The following C11orf16 variants were observed in gnomAD, a reference collection of about 807,000 sequenced individuals.
The protein encoded by C11orf16 is chromosome 11 open reading frame 16.
C11orf16 carries 38 observed loss-of-function variants against 45.1 expected under a neutral mutation model. The observed-to-expected ratio is 0.84, with a 90% CI of 0.65 to 1.10. The LOEUF (loss-of-function observed/expected upper bound fraction) is 1.10, where lower values mean the gene tolerates loss of function less well. Among genes scored for constraint, C11orf16 ranks in the 50% least tolerant of loss-of-function variants. The pLI is 0.00. For missense variants in C11orf16, 583 were observed against 569.5 expected, an observed-to-expected ratio of 1.02 and a Z score of -0.24; for synonymous variants, 221 against 222.0, an observed-to-expected ratio of 1.00 and a Z score of 0.04.
chr11:8,929,523 A>T lies in C11orf16; in HGVS notation c.178T>A (p.Ser60Thr). 1 of 1,612,730 alleles carries T rather than the reference A, an allele frequency of 6.2e-7. No homozygotes were observed. Among genetic ancestry groups the T allele is most frequent in the Non-Finnish European group, 8.5e-7 (1 of 1,179,568 alleles). Reference protein sequence around the residue: ...GHKPLARHASSCPCLHVADPA... With the variant: ...GHKPLARHASTCPCLHVADPA... ...TCGGCAACGTGGAGACATGGGCAAG[A>T]AGAGGCATGCCTGGAAAAAAGCAAA... is the stretch of plus-strand genomic sequence containing the variant. The change falls in exon 3 of 7, where the codon TCT becomes ACT. Residue 60 changes from serine (S) to threonine (T), a missense_variant. By Grantham distance (58) the Ser-to-Thr change is moderately conservative. Coordinates refer to ENST00000326053, the MANE Select transcript of C11orf16 (RefSeq NM_020643.3).
At chr11:8,922,230 G>A (rs1016587541) in intron 5 of C11orf16, among the ~76,000 whole-genome samples, 2 of 152,044 alleles carry the variant, frequency 1.3e-5, no homozygotes, top group Admixed American at 1.3e-4. Context: ...AAATTGAACT[G>A]GGTGCATTGG....
Position 8,927,170 on chromosome 11 carries a change from T to C in C11orf16, c.329A>G (p.Glu110Gly). ...TTCCACAAGCAGGACCCCCTGTCTC[T>C]CCAGCTGTGGGAAAGAAAACACTCA... Reference protein sequence around the residue: ...RAQIKATPELERQGVLLVEFE... With the variant: ...RAQIKATPELGRQGVLLVEFE... Residue 110 changes from glutamate to glycine, a missense_variant, in exon 4 of 7, where the codon GAG (glutamate) becomes GGG (glycine). Glu to Gly is a moderately conservative substitution (Grantham distance 98, BLOSUM62 -2). Transcript: ENST00000326053. The C allele has an allele frequency of 2.5e-6, 4 of 1,612,716 alleles. No homozygotes were observed. The highest frequency in any genetic ancestry group is 3.4e-6 in the Non-Finnish European group (4 of 1,179,138).
intron 3 of C11orf16, among the ~76,000 whole-genome samples, chr11:8,928,547 C>T (rs2064630254): frequency 1.3e-5 from 2 of 152,188 alleles, no homozygotes; most frequent in African/African-American, 4.8e-5. Flanking sequence ...CGTTACCCAC[C>T]TCCACCCTCC....
intron 2 of C11orf16, among the ~76,000 whole-genome samples, chr11:8,931,204 A>G (rs1025432795): frequency 6.8e-6 from 1 of 147,370 alleles, no homozygotes; most frequent in Non-Finnish European, 1.5e-5. Flanking sequence ...TGGCTGAGCA[A>G]GTCTCTTTTT....
rs2064621002 is a variant in C11orf16 at position 8,927,250 on chromosome 11, G to GA, written c.325-77_325-76insT. The GA allele has an allele frequency of 2.5e-6, 3 of 1,195,722 alleles. No individual in the cohort carries two copies. In the African/African-American group the frequency reaches 4.5e-5, roughly 18 times the overall value. The allele number at this position is 1,195,722 out of a possible 1,614,324, so 74.1% of individuals were successfully genotyped here. A position where few individuals can be genotyped will look rare whatever the true frequency, so the allele number is the denominator to read the frequency against. ...AGGGAGCACCCAGGTTCCCTACGATGCCCCCCAAATCAGGCCCAGGGGCTG... is the reference window on the plus strand; with the variant it reads ...AGGGAGCACCCAGGTTCCCTACGATGACCCCCCAAATCAGGCCCAGGGGCTG... On this transcript the variant is annotated intron_variant, in intron 3 of 6. Coordinates refer to ENST00000326053, the MANE Select transcript of C11orf16 (RefSeq NM_020643.3).
chr11:8,921,365 T>C lies in C11orf16; in HGVS notation c.1355A>G (p.Lys452Arg). 1 of 1,614,232 alleles carries C rather than the reference T, an allele frequency of 6.2e-7. No individual in the cohort carries two copies. The highest frequency in any genetic ancestry group is 8.5e-7 in the Non-Finnish European group (1 of 1,180,044). The change falls in exon 6 of 7, where the codon AAG becomes AGG. Residue 452 changes from lysine to arginine, a missense_variant. Lys to Arg is a conservative substitution (Grantham distance 26). Coordinates refer to ENST00000326053, the MANE Select transcript of C11orf16 (RefSeq NM_020643.3). Reference sequence around the variant, plus strand: ...ACATATTGCAAGGCTCTGACTCCGCTTTCTGTGTTCAGCTTCCCCTGGCGG... The same window carrying C: ...ACATATTGCAAGGCTCTGACTCCGCCTTCTGTGTTCAGCTTCCCCTGGCGG... ...RTPPGEAEHR[K>R]RSQSLAICQW... is the part of the protein sequence containing the mutation.
intron 2 of C11orf16, among the ~76,000 whole-genome samples, chr11:8,931,048 A>AG (rs1468345711): frequency 6.6e-6 from 1 of 152,142 alleles, no homozygotes; most frequent in Non-Finnish European, 1.5e-5. Flanking sequence ...ATGTGTATAT[A>AG]GGGCTGTGGT....
At position 8,927,648 on chromosome 11, in the gene C11orf16, G is replaced by A. The variant is rs141407633; in HGVS notation, c.325-474C>T. 636 of 456,648 alleles carry A rather than the reference G, an allele frequency of 1.4e-3. 2 individuals are homozygous for A. Among genetic ancestry groups the A allele is most frequent in the Middle Eastern group, 2.6e-3 (8 of 3,078 alleles). The allele number at this position is 456,648 out of a possible 1,614,324, so 28.3% of individuals were successfully genotyped here. Reference sequence around the variant, plus strand: ...CCTATGAGGCTCATGTAGGCAAGGAGCGATTGTGGCCACAGAGCTGCCCTC... The same window carrying A: ...CCTATGAGGCTCATGTAGGCAAGGAACGATTGTGGCCACAGAGCTGCCCTC... On this transcript the variant is annotated intron_variant, in intron 3 of 6. Coordinates refer to ENST00000326053, the MANE Select transcript of C11orf16 (RefSeq NM_020643.3).
chr11:8,920,499 T>C (rs1396799384), intron 6 of C11orf16, 49 bp from the exon 7 acceptor site: 2 of 643,618 alleles, frequency 3.1e-6, no homozygotes, highest in Non-Finnish European at 5.5e-6. Context: ...ACTGCAATTT[T>C]AAGAATCAAA....
chr11:8,921,575 A>G (rs984950453), intron 5 of C11orf16, 60 bp from the exon 6 acceptor site: 34 of 1,424,944 alleles, frequency 2.4e-5, no homozygotes, highest in Non-Finnish European at 6.9e-6. Flanking sequence ...GCATAAGTAG[A>G]ACTAAAACAA....
At chr11:8,931,246 CAG>C (rs1356087771) in intron 2 of C11orf16, among the ~76,000 whole-genome samples, 13 of 151,470 alleles carry the variant, frequency 8.6e-5, no homozygotes, top group Admixed American at 6.6e-4. Context: ...GTTTTTGAGA[CAG>C]AGTCTCACTC....
At position 8,926,257 on chromosome 11, in the gene C11orf16, C is replaced by T. The variant is rs1027902036; in HGVS notation, c.560-150G>A. On this transcript the variant is annotated intron_variant, in intron 4 of 6. Coordinates refer to ENST00000326053, the MANE Select transcript of C11orf16 (RefSeq NM_020643.3). ...GCAGTGGCACAGTGATAGCTCACTG[C>T]AGCCTCAACCTCCCAGGCTCAAGCC... 9.3e-6 allele frequency: 7 copies of T among 754,830 alleles called. No individual in the cohort carries two copies. In the Admixed American group the frequency reaches 2.4e-4, roughly 26 times the overall value. 46.8% of individuals were successfully genotyped at this position (754,830 alleles called of 1,614,324 possible). A position where few individuals can be genotyped will look rare whatever the true frequency, so the allele number is the denominator to read the frequency against.
chr11:8,930,814 AG>A (rs2064644889), intron 2 of C11orf16, among the ~76,000 whole-genome samples: 1 of 152,072 alleles, frequency 6.6e-6, no homozygotes, highest in Non-Finnish European at 1.5e-5. Context: ...CGTGCTGAGG[AG>A]CTCCTGCAGA....
At chr11:8,932,375 T>C (rs2064655926) in intron 1 of C11orf16, 49 bp from the exon 2 acceptor site, 1 of 1,469,384 alleles carries the variant, frequency 6.8e-7, no homozygotes, top group Non-Finnish European at 9.1e-7. Context: ...AAGCAAGCAG[T>C]GGCCACCGGG....
In C11orf16 at chr11:8,929,459, C is replaced by G. The variant is rs1369340956; in HGVS notation, c.242G>C (p.Gly81Ala). 6.2e-7 allele frequency: 1 copy of G among 1,614,072 alleles called. No homozygotes were observed. Among genetic ancestry groups the G allele is most frequent in the African/African-American group, 1.3e-5 (1 of 74,936 alleles). ...WQGPGWLGRA[G>A]DAANTWVLAR... ...TAGGACCCATGTGTTGGCAGCATCT[C>G]CAGCTCTTCCCAGCCAGCCAGGCCC... Residue 81 changes from glycine to alanine, a missense_variant, in exon 3 of 7, where the codon GGA becomes GCA. Physicochemically the swap from Gly to Ala is moderately conservative, Grantham distance 60 (BLOSUM62 0). Transcript: ENST00000326053.
At position 8,924,506 on chromosome 11, in the gene C11orf16, A is replaced by G. The variant is rs540613418; in HGVS notation, c.1204+957T>C. 1.8e-4 allele frequency among the ~76,000 whole-genome samples: 7 copies of G among 37,904 alleles called. No individual in the cohort carries two copies. In the East Asian group the frequency reaches 0.012, roughly 67 times the overall value. 24.9% of individuals were successfully genotyped at this position (37,904 alleles called of 152,430 possible). On this transcript the variant is annotated intron_variant, in intron 5 of 6. Transcript: ENST00000326053. ...ATGCCACTGCACTCCAGCCTGGGCAACAGAGTGAGACTCTTTGTCTCAAAA... is the reference window on the plus strand; with the variant it reads ...ATGCCACTGCACTCCAGCCTGGGCAGCAGAGTGAGACTCTTTGTCTCAAAA...
Position 8,932,227 on chromosome 11 carries a change from C to T in C11orf16, c.82G>A (p.Gly28Ser), listed in dbSNP as rs1208938781. 1.9e-6 allele frequency: 3 copies of T among 1,606,928 alleles called. No individual in the cohort carries two copies. The highest frequency in any genetic ancestry group is 2.5e-6 in the Non-Finnish European group (3 of 1,177,000). ...ATSLKAPGWD[G>S]AAPPWDLSFT... is the part of the protein sequence containing the mutation. ...GAGAGGTCCCAAGGTGGAGCAGCAC[C>T]GTCCCAGCCAGGGGCCTTCAGGCTT... is the stretch of plus-strand genomic sequence containing the variant. The change falls in exon 2 of 7, where the codon GGT becomes AGT. Residue 28 changes from glycine (G) to serine (S), a missense_variant. Coordinates refer to ENST00000326053, the MANE Select transcript of C11orf16 (RefSeq NM_020643.3).
intron 2 of C11orf16, among the ~76,000 whole-genome samples, chr11:8,931,242 G>A (rs1013903898): frequency 6.7e-6 from 1 of 148,288 alleles, no homozygotes; most frequent in South Asian, 2.1e-4. Context: ...TTTTGTTTTT[G>A]AGACAGAGTC....
Position 8,925,793 on chromosome 11 carries a change from A to G in C11orf16, c.874T>C (p.Trp292Arg). The change falls in exon 5 of 7, where the codon TGG becomes CGG. Residue 292 changes from tryptophan to arginine, a missense_variant. Transcript: ENST00000326053. ...TCTGAGGTCCTGGTTAGAGGCCACC[A>G]AGTCGTGCCACATGGCGGGCAGCCA... ...LCGCPPCGTT[W>R]WPLTRTSEVM... The G allele has an allele frequency of 6.2e-7, 1 of 1,614,234 alleles. No individual in the cohort carries two copies. Among genetic ancestry groups the G allele is most frequent in the East Asian group, 2.2e-5 (1 of 44,892 alleles).
Sources: allele counts gnomAD v4.1 joint callset (sites outside exome capture counted in the v4.1 genomes callset), GRCh38; gene constraint gnomAD v4.1.1; transcripts MANE v1.5; gene names NCBI Gene and HGNC (gene_info 2026-07-23, HGNC 2026-07-21).